The following SLC2A11 variants were observed in gnomAD, a reference collection of about 807,000 sequenced individuals.
SLC2A11 encodes the protein solute carrier family 2, facilitated glucose transporter member 11.
A neutral mutation model predicts 52.1 loss-of-function variants in SLC2A11; 43 were observed. That is an observed-to-expected ratio of 0.82 (90% confidence interval 0.65 to 1.06). SLC2A11 has a LOEUF of 1.06. Among genes scored for constraint, SLC2A11 ranks in the 50% least tolerant of loss-of-function variants. SLC2A11 has a pLI of 0.00. For missense variants in SLC2A11, 582 were observed against 654.2 expected, an observed-to-expected ratio of 0.89 and a Z score of 1.20; for synonymous variants, 261 against 277.6, an observed-to-expected ratio of 0.94 and a Z score of 0.59.
chr22:23,868,626 C>T lies in SLC2A11; in HGVS notation c.275C>T (p.Ala92Val). The T allele has an allele frequency of 6.2e-7, 1 of 1,614,040 alleles. No individual in the cohort carries two copies. The highest frequency in any genetic ancestry group is 8.5e-7 in the Non-Finnish European group (1 of 1,179,954). Residue 92 changes from alanine to valine, a missense_variant, in exon 3 of 12, where the codon GCC becomes GTC. By Grantham distance (64) the Ala-to-Val change is moderately conservative (BLOSUM62 0). Coordinates refer to ENST00000316185, the MANE Select transcript of SLC2A11 (RefSeq NM_001024939.4). Reference protein sequence around the residue: ...LFGALLAGPLAITLGRKKSLL... With the variant: ...LFGALLAGPLVITLGRKKSLL... ...GGAGCACTGCTTGCAGGTCCCTTGGCCATCACGCTGGGAAGGTAAGTGCTT... is the reference window on the plus strand; with the variant it reads ...GGAGCACTGCTTGCAGGTCCCTTGGTCATCACGCTGGGAAGGTAAGTGCTT...
At position 23,877,770 on chromosome 22, in the gene SLC2A11, C is replaced by T; in HGVS notation, c.595C>T (p.Leu199=). 6.2e-7 allele frequency: 1 copy of T among 1,607,682 alleles called. No homozygotes were observed. The highest frequency in any genetic ancestry group is 8.5e-7 in the Non-Finnish European group (1 of 1,177,314). The part of the protein sequence containing the change: ...QAWPLLLASC[L]VPGALQLASL... ...CTGGCCCCTGCTGCTGGCCAGCTGC[C>T]TGGTGCCCGGGGCGCTCCAGCTCGC... Residue 199 remains leucine (L), a synonymous_variant, in exon 6 of 12, where the codon CTG becomes TTG. Transcript: ENST00000316185.
upstream of SLC2A11, chr22:23,857,099 G>A: frequency 1.6e-6 from 2 of 1,269,958 alleles, no homozygotes; most frequent in South Asian, 1.3e-5. Context: ...TAGGTGGGGC[G>A]TGCATAGATG....
At chr22:23,857,684 TC>T (rs1292801133), upstream of SLC2A11, among the ~76,000 whole-genome samples, 4 of 146,920 alleles carry the variant, frequency 2.7e-5, no homozygotes, top group East Asian at 8.2e-4. Context: ...TCAGGCGCCC[TC>T]CGCGACACTC....
chr22:23,878,241 G>T (rs1208624698), intron 6 of SLC2A11, among the ~76,000 whole-genome samples: 2 of 151,614 alleles, frequency 1.3e-5, no homozygotes, highest in African/African-American at 2.4e-5. Flanking sequence ...AGGAACAATC[G>T]CAACATTTCT....
Position 23,868,633 on chromosome 22 carries a change from G to A in SLC2A11, c.282G>A (p.Thr94=), listed in dbSNP as rs577263464. 30 of 1,614,030 alleles carry A rather than the reference G, an allele frequency of 1.9e-5. No homozygotes were observed. The highest frequency in any genetic ancestry group is 1.1e-4 in the East Asian group (5 of 44,884). Residue 94 remains threonine (T), a synonymous_variant, in exon 3 of 12, where the codon ACG becomes ACA. Coordinates refer to ENST00000316185, the MANE Select transcript of SLC2A11 (RefSeq NM_001024939.4). ...TGCTTGCAGGTCCCTTGGCCATCACGCTGGGAAGGTAAGTGCTTCCTGCAT... is the reference window on the plus strand; with the variant it reads ...TGCTTGCAGGTCCCTTGGCCATCACACTGGGAAGGTAAGTGCTTCCTGCAT... ...GALLAGPLAI[T]LGRKKSLLVN...
At position 23,884,366 on chromosome 22, in the gene SLC2A11, G is replaced by T; in HGVS notation, c.1236G>T (p.Met412Ile). Residue 412 changes from methionine to isoleucine, a missense_variant, in exon 11 of 12, where the codon ATG (methionine) becomes ATT (isoleucine). Coordinates refer to ENST00000316185, the MANE Select transcript of SLC2A11 (RefSeq NM_001024939.4). The surrounding 1 kb of genome is among the most constrained non-coding windows in gnomAD (Gnocchi z 4.3). ...AGATGGCCAGGCCTGCTGCCTGCAT[G>T]GTCTGCGGGGCGCTCATGTGGATCA... ...FDQMARPAAC[M>I]VCGALMWIML... 6.2e-7 allele frequency: 1 copy of T among 1,614,060 alleles called. No homozygotes were observed. Among genetic ancestry groups the T allele is most frequent in the Non-Finnish European group, 8.5e-7 (1 of 1,180,024 alleles).
chr22:23,871,415 A>G (rs1333429164), intron 3 of SLC2A11: 1 of 151,104 alleles, frequency 6.6e-6, no homozygotes, highest in Non-Finnish European at 1.5e-5. Context: ...TCTCAAAAAA[A>G]AAAAAAAAAG....
At chr22:23,877,563 G>T in intron 5 of SLC2A11, 158 bp from the exon 6 acceptor site, 1 of 1,001,802 alleles carries the variant, frequency 1.0e-6, no homozygotes, top group Non-Finnish European at 1.5e-6. Context: ...TCCCAACCTG[G>T]GTGGGAGGGA....
chr22:23,859,650 G>A (rs183157359), intron 1 of SLC2A11, among the ~76,000 whole-genome samples: 1 of 152,228 alleles, frequency 6.6e-6, no homozygotes, highest in African/African-American at 2.4e-5. Context: ...CACCAAGCCC[G>A]GCTAATTTTT....
chr22:23,863,874 G>GC (rs1430935296), intron 2 of SLC2A11, among the ~76,000 whole-genome samples: 3 of 151,936 alleles, frequency 2.0e-5, no homozygotes, highest in African/African-American at 4.8e-5. Context: ...GAAGTGGTCC[G>GC]CCCACCTCGG....
chr22:23,882,685 G>A (rs773847793), intron 7 of SLC2A11, 39 bp downstream of exon 7: 158 of 1,607,088 alleles, frequency 9.8e-5, no homozygotes, highest in Non-Finnish European at 1.2e-4. Flanking sequence ...GGGCCCCGGG[G>A]GCTTGGTGTT....
At chr22:23,876,718 C>CCGTCAGAG (rs1307042559) in intron 4 of SLC2A11, among the ~76,000 whole-genome samples, 2 of 152,124 alleles carry the variant, frequency 1.3e-5, no homozygotes, top group African/African-American at 4.8e-5. Flanking sequence ...CCGCACAGCC[C>CCGTCAGAG]CGTCAGAGTC....
At position 23,858,037 on chromosome 22, in the gene SLC2A11, T is replaced by C. The variant is rs2031919735; in HGVS notation, c.30+8T>C. 6 of 1,558,830 alleles carry C rather than the reference T, an allele frequency of 3.8e-6. No individual in the cohort carries two copies. In the East Asian group the frequency reaches 7.3e-5, roughly 19 times the overall value. ...CTCCTGCGATCTAGAATGGTATGAA[T>C]TCTCATACTTGCCCAGACCAGGCGT... On this transcript the variant is annotated splice_region_variant and intron_variant, in intron 1 of 11. Transcript: ENST00000316185.
At chr22:23,868,365 C>A in intron 2 of SLC2A11, 116 bp from the exon 3 acceptor site, 2 of 1,280,360 alleles carry the variant, frequency 1.6e-6, no homozygotes, top group Non-Finnish European at 2.2e-6. Flanking sequence ...AGACACGGTG[C>A]CTGTTGTCAT....
rs922456280 is a variant in SLC2A11 at position 23,884,212 on chromosome 22, G to A, written c.1172-90G>A. 5 of 1,519,266 alleles carry A rather than the reference G, an allele frequency of 3.3e-6. No homozygotes were observed. Among genetic ancestry groups the A allele is most frequent in the Middle Eastern group, 3.9e-4 (2 of 5,110 alleles). 94.1% of individuals were successfully genotyped at this position (1,519,266 alleles called of 1,614,324 possible). On this transcript the variant is annotated intron_variant, in intron 10 of 11. Coordinates refer to ENST00000316185, the MANE Select transcript of SLC2A11 (RefSeq NM_001024939.4). This position sits in a 1 kb window ranked among gnomAD's most constrained non-coding sequence, Gnocchi z 4.3. Reference sequence around the variant, plus strand: ...GGGGCCCCCCATACAGACTGGGCCTGGGCTCCCACTCCCATGTCTGGGCTG... The same window carrying A: ...GGGGCCCCCCATACAGACTGGGCCTAGGCTCCCACTCCCATGTCTGGGCTG...
chr22:23,884,931 T>A lies in SLC2A11; in HGVS notation c.*82T>A. On this transcript the variant is annotated 3_prime_UTR_variant, in exon 12 of 12. Transcript: ENST00000316185. The surrounding 1 kb of genome is among the most constrained non-coding windows in gnomAD (Gnocchi z 4.3). ...CAGGGCCCTGGTCCTCACTCCCTCC[T>A]GCATTCCTCATTTAAGGAGTGTTTA... is the stretch of plus-strand genomic sequence containing the variant. The A allele has an allele frequency of 8.5e-7, 1 of 1,176,950 alleles. No homozygotes were observed. The highest frequency in any genetic ancestry group is 1.2e-6 in the Non-Finnish European group (1 of 818,588). The allele number at this position is 1,176,950 out of a possible 1,614,324, so 72.9% of individuals were successfully genotyped here. A position where few individuals can be genotyped will look rare whatever the true frequency, so the allele number is the denominator to read the frequency against.
At position 23,884,085 on chromosome 22, in the gene SLC2A11, G is replaced by C; in HGVS notation, c.1171+61G>C. The C allele has an allele frequency of 1.3e-6, 2 of 1,586,288 alleles. No homozygotes were observed. The highest frequency in any genetic ancestry group is 2.3e-5 in the South Asian group (2 of 88,740). ...CACATAGAAGGAGTGATGGGTGCCT[G>C]GGTGCACAGTGGGTGGGTGTGAATG... On this transcript the variant is annotated intron_variant, in intron 10 of 11. Coordinates refer to ENST00000316185, the MANE Select transcript of SLC2A11 (RefSeq NM_001024939.4). The surrounding 1 kb of genome is among the most constrained non-coding windows in gnomAD (Gnocchi z 4.3).
chr22:23,858,079 C>T, intron 1 of SLC2A11, 50 bp downstream of exon 1: 1 of 1,551,312 alleles, frequency 6.4e-7, no homozygotes. Context: ...TGAGGGATTG[C>T]GGACCTGAGT....
In SLC2A11 at chr22:23,882,492, C is replaced by CAGGGGAGCT. The variant is rs1409719755; in HGVS notation, c.729_737dup (p.Gly244_Leu246dup). ...CGGCTCCGGGGCTCCGGGGACTTGGCAGGGGAGCTGGAGGAGCTGGAGGAG... is the reference window on the plus strand; with the variant it reads ...CGGCTCCGGGGCTCCGGGGACTTGGCAGGGGAGCTAGGGGAGCTGGAGGAGCTGGAGGAG... On this transcript the variant is annotated inframe_insertion, in exon 7 of 12. Transcript: ENST00000316185. 6.4e-7 allele frequency: 1 copy of CAGGGGAGCT among 1,566,346 alleles called. No homozygotes were observed. The highest frequency in any genetic ancestry group is 1.2e-5 in the South Asian group (1 of 85,922).
Sources: gnomAD v4.1 joint callset for allele counts (sites outside exome capture counted in the v4.1 genomes callset) on GRCh38, gnomAD v4.1.1 for gene constraint, Gnocchi (gnomAD v3.1) non-coding constraint, MANE v1.5 for transcripts, NCBI Gene and HGNC (gene_info 2026-07-23, HGNC 2026-07-21) for gene names.